Variants in GMDS observed in about 807,000 individuals in gnomAD.
GMDS encodes GDP-mannose 4,6 dehydratase.
Under a neutral mutation model 49.9 loss-of-function variants are expected in GMDS, and 20 were observed. The ratio of observed to expected loss-of-function variants is 0.40; its 90% CI spans 0.28 to 0.58. The LOEUF is 0.58. GMDS is among the 20% of genes least tolerant of loss of function. The pLI is 0.42. For missense variants in GMDS, 362 were observed against 481.4 expected (o/e 0.75, Z 2.32); for synonymous variants, 177 against 178.6 (o/e 0.99, Z 0.07).
intron 7 of GMDS, among the ~76,000 whole-genome samples, chr6:1,831,243 AG>A (rs1756628539): frequency 6.6e-6 from 1 of 152,232 alleles, no homozygotes; most frequent in Non-Finnish European, 1.5e-5. Context: ...CTGAAACTAA[AG>A]GAGAATTCAG....
At chr6:1,904,088 C>A (rs762962210) in intron 7 of GMDS, among the ~76,000 whole-genome samples, 1 of 152,110 alleles carries the variant, frequency 6.6e-6, no homozygotes, top group Non-Finnish European at 1.5e-5. Context: ...ATGTTGAGCA[C>A]GTGATGTCAG....
At chr6:1,629,412 G>A (rs1762932225) in intron 9 of GMDS, among the ~76,000 whole-genome samples, 2 of 152,104 alleles carry the variant, frequency 1.3e-5, no homozygotes, top group African/African-American at 4.8e-5. Context: ...AGGCGGTCCT[G>A]TCTGCTCAGG....
intron 7 of GMDS, among the ~76,000 whole-genome samples, chr6:1,848,297 C>A (rs2113760302): frequency 6.6e-6 from 1 of 152,214 alleles, no homozygotes; most frequent in South Asian, 2.1e-4. Flanking sequence ...TGTGCCTCTG[C>A]TCATCTGTTC....
At chr6:1,779,028 G>C (rs1768964223) in intron 7 of GMDS, among the ~76,000 whole-genome samples, 1 of 152,136 alleles carries the variant, frequency 6.6e-6, no homozygotes, top group East Asian at 1.9e-4. Flanking sequence ...GCTGGGGTGG[G>C]AGTGAGGAGG....
At chr6:2,156,024 T>C (rs549344446) in intron 1 of GMDS, among the ~76,000 whole-genome samples, 1 of 152,268 alleles carries the variant, frequency 6.6e-6, no homozygotes, top group African/African-American at 2.4e-5. Flanking sequence ...ACTATTAGGG[T>C]TACTTTTTTT....
Position 1,659,975 on chromosome 6 carries a change from C to T in GMDS, c.988-35435G>A, listed in dbSNP as rs1764015607. Among the ~76,000 whole-genome samples, 5 of 152,078 alleles carry T rather than the reference C, an allele frequency of 3.3e-5. No homozygotes were observed. In the South Asian group the frequency reaches 1.0e-3, roughly 32 times the overall value. ...TTTTAAACCTGGGCTCCCTGTGGTG[C>T]ACCCCAAAAGGAAGTCTCGGTGGCC... On this transcript the variant is annotated intron_variant, in intron 9 of 10. Coordinates refer to ENST00000380815, the MANE Select transcript of GMDS (RefSeq NM_001500.4).
At chr6:2,150,986 C>T (rs190561244) in intron 1 of GMDS, among the ~76,000 whole-genome samples, 13 of 152,158 alleles carry the variant, frequency 8.5e-5, no homozygotes, top group East Asian at 5.8e-4. Flanking sequence ...GAACTATTAG[C>T]GATATCCCTA....
At chr6:2,223,872 G>C (rs1456277384) in intron 1 of GMDS, among the ~76,000 whole-genome samples, 1 of 152,182 alleles carries the variant, frequency 6.6e-6, no homozygotes, top group Non-Finnish European at 1.5e-5. Context: ...GATTCACAAG[G>C]GAAGAGTGAC....
intron 7 of GMDS, among the ~76,000 whole-genome samples, chr6:1,792,728 G>C (rs1290946886): frequency 6.6e-6 from 1 of 152,180 alleles, no homozygotes; most frequent in Non-Finnish European, 1.5e-5. Context: ...CCAAAATTTA[G>C]AGGGTGGTTT....
In GMDS at chr6:2,110,249, C is replaced by T. The variant is rs1433492758; in HGVS notation, c.345+5522G>A. On this transcript the variant is annotated intron_variant, in intron 4 of 10. Coordinates refer to ENST00000380815, the MANE Select transcript of GMDS (RefSeq NM_001500.4). ...TATTTGTTCACCCACCCCCCTCCCT[C>T]AATTAGAACAGCCCCAAGAGGTTCA... Among the ~76,000 whole-genome samples, 4 of 126,116 alleles carry T rather than the reference C, an allele frequency of 3.2e-5. 1 individual carries two copies. The highest frequency in any genetic ancestry group is 2.7e-4 in the Admixed American group (3 of 11,102). The allele number at this position is 126,116 out of a possible 152,430, so 82.7% of individuals were successfully genotyped here.
At chr6:1,979,342 A>T (rs1765093715) in intron 4 of GMDS, among the ~76,000 whole-genome samples, 2 of 152,264 alleles carry the variant, frequency 1.3e-5, no homozygotes, top group Non-Finnish European at 2.9e-5. Context: ...CTAGAGGAAC[A>T]GAACCAACCT....
At chr6:2,019,450 T>C (rs1023805998) in intron 4 of GMDS, among the ~76,000 whole-genome samples, 7 of 152,048 alleles carry the variant, frequency 4.6e-5, no homozygotes, top group Admixed American at 1.3e-4. Flanking sequence ...TTCTAGATCC[T>C]CTTTTTCAGG....
At chr6:1,845,563 G>T (rs539308332) in intron 7 of GMDS, among the ~76,000 whole-genome samples, 1 of 152,218 alleles carries the variant, frequency 6.6e-6, no homozygotes, top group African/African-American at 2.4e-5. Context: ...TCTTCACAGG[G>T]TACCCTTCCT....
At chr6:2,071,796 C>T (rs58499654) in intron 4 of GMDS, among the ~76,000 whole-genome samples, 68 of 152,150 alleles carry the variant, frequency 4.5e-4, no homozygotes, top group African/African-American at 1.3e-3. Flanking sequence ...CAAATGATTG[C>T]GAAGACTGAA....
At chr6:1,665,782 C>G (rs1223419875) in intron 9 of GMDS, among the ~76,000 whole-genome samples, 3 of 152,120 alleles carry the variant, frequency 2.0e-5, no homozygotes, top group Non-Finnish European at 2.9e-5. Flanking sequence ...CTAAACAGCC[C>G]TAGAAAAACA....
intron 7 of GMDS, among the ~76,000 whole-genome samples, chr6:1,782,349 GCT>G (rs1769130187): frequency 6.6e-6 from 1 of 152,264 alleles, no homozygotes; most frequent in South Asian, 2.1e-4. Context: ...TACAATTTAA[GCT>G]CTGTGAACAT....
rs770516735 is a variant in GMDS, at chr6:2,210,704, C to G, written c.102+34617G>C. The stretch of plus-strand genomic sequence containing the variant: ...GGGCAGTGGTGTCTCCTCCTGAACC[C>G]GCATCTCTGGGCACGGCACCTGGAG... On this transcript the variant is annotated intron_variant, in intron 1 of 10. Coordinates refer to ENST00000380815, the MANE Select transcript of GMDS (RefSeq NM_001500.4). 2.0e-5 allele frequency among the ~76,000 whole-genome samples: 3 copies of G among 152,080 alleles called. No individual in the cohort carries two copies. The East Asian group carries it at 5.8e-4, about 29-fold the overall frequency.
At chr6:1,946,924 A>T (rs1763098896) in intron 6 of GMDS, among the ~76,000 whole-genome samples, 1 of 152,220 alleles carries the variant, frequency 6.6e-6, no homozygotes, top group South Asian at 2.1e-4. Flanking sequence ...GGCTCAGAAA[A>T]GCGATTTCAT....
intron 9 of GMDS, among the ~76,000 whole-genome samples, chr6:1,694,037 T>C (rs1355638129): frequency 6.6e-6 from 1 of 152,216 alleles, no homozygotes; most frequent in Non-Finnish European, 1.5e-5. Flanking sequence ...CTGTTTTTAT[T>C]CACTGCAGTT....
Sources: allele counts gnomAD v4.1 joint callset (sites outside exome capture counted in the v4.1 genomes callset), GRCh38; gene constraint gnomAD v4.1.1; transcripts MANE v1.5; gene names NCBI Gene and HGNC (gene_info 2026-07-23, HGNC 2026-07-21).